Variants in APOLD1 observed in about 807,000 individuals in gnomAD.
The protein encoded by APOLD1 is apolipoprotein L domain-containing protein 1.
Under a neutral mutation model 15.3 loss-of-function variants are expected in APOLD1, and 22 were observed. The observed-to-expected ratio is 1.44, with a 90% CI of 1.03 to 2.05. The LOEUF is 2.05. Ranked by LOEUF, APOLD1 falls within the 30% of genes most tolerant of loss-of-function variation. The pLI is 0.00. For synonymous variants in APOLD1, 190 were observed against 167.4 expected, an observed-to-expected ratio of 1.13 and a Z score of -1.04; for missense variants, 394 against 353.5, an observed-to-expected ratio of 1.11 and a Z score of -0.92.
chr12:12,768,747 C>T (rs563586523), intron 1 of APOLD1, among the ~76,000 whole-genome samples: 3 of 151,534 alleles, frequency 2.0e-5, no homozygotes, highest in South Asian at 4.2e-4. Flanking sequence ...TCAAACTCCT[C>T]GTTTTCACTT....
intron 1 of APOLD1, among the ~76,000 whole-genome samples, chr12:12,759,099 A>G (rs1946879276): frequency 6.6e-6 from 1 of 152,214 alleles, no homozygotes; most frequent in South Asian, 2.1e-4. Flanking sequence ...GCAGGATGGC[A>G]CGAGATTTCA....
At chr12:12,753,475 C>A (rs1446371761) in intron 1 of APOLD1, among the ~76,000 whole-genome samples, 1 of 151,982 alleles carries the variant, frequency 6.6e-6, no homozygotes, top group Non-Finnish European at 1.5e-5. Flanking sequence ...CCAGCCTGGG[C>A]AACATGGCGA....
chr12:12,760,716 C>G (rs1946892297), intron 1 of APOLD1, among the ~76,000 whole-genome samples: 1 of 151,240 alleles, frequency 6.6e-6, no homozygotes, highest in Non-Finnish European at 1.5e-5. Context: ...AGTAAACCTT[C>G]TATATGTGGA....
intron 1 of APOLD1, among the ~76,000 whole-genome samples, chr12:12,736,925 T>C (rs992738578): frequency 1.2e-4 from 18 of 152,224 alleles, no homozygotes; most frequent in African/African-American, 3.9e-4. Context: ...TCCACCCCGC[T>C]ACCAGTCTTA....
chr12:12,733,373 A>C (rs1375759755), intron 1 of APOLD1, among the ~76,000 whole-genome samples: 1 of 152,222 alleles, frequency 6.6e-6, no homozygotes, highest in Non-Finnish European at 1.5e-5. Flanking sequence ...TAGCACATTA[A>C]GACCAAAAGC....
intron 1 of APOLD1, chr12:12,771,383 A>G (rs1399949060): frequency 3.0e-6 from 1 of 332,120 alleles, no homozygotes; most frequent in Non-Finnish European, 5.8e-6. Flanking sequence ...TGGCTACAAT[A>G]GCCATAAGCA....
chr12:12,730,069 TGTGTGTGTGAGA>T lies in APOLD1; in HGVS notation c.96+3975_96+3986del, dbSNP rs1227083485. Among the ~76,000 whole-genome samples the T allele has an allele frequency of 6.6e-3, 396 of 60,398 alleles. 1 individual carries two copies. The highest frequency in any genetic ancestry group is 0.013 in the South Asian group (30 of 2,342). The allele number at this position is 60,398 out of a possible 152,430, so 39.6% of individuals were successfully genotyped here. A position where few individuals can be genotyped will look rare whatever the true frequency, so the allele number is the denominator to read the frequency against. ...GTGTGTGTGTGTGTGTGTGTGTGTG[TGTGTGTGTGAGA>T]GAGAGAGAGAGAGAGACAGACAGGT... is the stretch of plus-strand genomic sequence containing the variant. On this transcript the variant is annotated intron_variant, in intron 1 of 1. Transcript: ENST00000326765.
chr12:12,759,711 A>G (rs1051108535), intron 1 of APOLD1, among the ~76,000 whole-genome samples: 2 of 152,214 alleles, frequency 1.3e-5, no homozygotes, highest in Non-Finnish European at 2.9e-5. Flanking sequence ...CCTTGACGTC[A>G]GTATATCCAG....
At chr12:12,737,320 A>G (rs1324072730) in intron 1 of APOLD1, among the ~76,000 whole-genome samples, 1 of 152,188 alleles carries the variant, frequency 6.6e-6, no homozygotes, top group Non-Finnish European at 1.5e-5. Flanking sequence ...AGGAAGCTAT[A>G]ATGGCTGTGA....
chr12:12,727,231 G>A (rs748228426), intron 1 of APOLD1, among the ~76,000 whole-genome samples: 1 of 151,226 alleles, frequency 6.6e-6, no homozygotes, highest in Non-Finnish European at 1.5e-5. Context: ...TAAACACCAC[G>A]TTTCCAAGAA....
intron 1 of APOLD1, among the ~76,000 whole-genome samples, chr12:12,741,241 C>G (rs1419659326): frequency 6.6e-6 from 1 of 152,210 alleles, no homozygotes; most frequent in Non-Finnish European, 1.5e-5. Context: ...GGGTCTTGCT[C>G]TGTCGCCCTG....
intron 1 of APOLD1, among the ~76,000 whole-genome samples, chr12:12,779,116 TCTCTCCTA>T (rs1179518097): frequency 3.3e-5 from 5 of 152,060 alleles, no homozygotes; most frequent in African/African-American, 1.2e-4. Flanking sequence ...TGCCCTCCTC[TCTCTCCTA>T]ATTTTTGTCC....
chr12:12,783,125 G>A (rs1390232142), upstream of APOLD1, among the ~76,000 whole-genome samples: 2 of 152,154 alleles, frequency 1.3e-5, no homozygotes, highest in Non-Finnish European at 2.9e-5. Context: ...AGAATTGCTT[G>A]AATCTGGGAG....
At chr12:12,768,691 G>A in intron 1 of APOLD1, among the ~76,000 whole-genome samples, 1 of 150,854 alleles carries the variant, frequency 6.6e-6, no homozygotes. Flanking sequence ...GTCTCAATAA[G>A]TCAAGTCACT....
At chr12:12,771,722 T>C in intron 1 of APOLD1, 1 of 337,426 alleles carries the variant, frequency 3.0e-6, no homozygotes, top group Non-Finnish European at 5.8e-6. Context: ...CAGATAACAG[T>C]TTGTTCAAAA....
intron 1 of APOLD1, among the ~76,000 whole-genome samples, chr12:12,749,464 G>A (rs1188450917): frequency 3.3e-5 from 5 of 152,176 alleles, no homozygotes; most frequent in Non-Finnish European, 7.3e-5. Context: ...CCCAGCAGAT[G>A]GGCAATTGGC....
At chr12:12,770,430 T>TA (rs1191806069) in intron 1 of APOLD1, among the ~76,000 whole-genome samples, 1 of 152,000 alleles carries the variant, frequency 6.6e-6, no homozygotes, top group African/African-American at 2.4e-5. Context: ...ATGTTAGAGA[T>TA]AAAAAACACT....
At chr12:12,744,525 C>G (rs1946751188) in intron 1 of APOLD1, among the ~76,000 whole-genome samples, 2 of 152,144 alleles carry the variant, frequency 1.3e-5, no homozygotes, top group South Asian at 4.1e-4. Context: ...AGGAGAATCG[C>G]TTGAACCTGG....
intron 1 of APOLD1, among the ~76,000 whole-genome samples, chr12:12,760,203 A>G (rs1480098275): frequency 6.6e-6 from 1 of 151,724 alleles, no homozygotes; most frequent in East Asian, 1.9e-4. Flanking sequence ...CACCACACCC[A>G]CAGTCCCAGT....
Sources: gnomAD v4.1 joint callset for allele counts (sites outside exome capture counted in the v4.1 genomes callset) on GRCh38, gnomAD v4.1.1 for gene constraint, MANE v1.5 for transcripts, NCBI Gene and HGNC (gene_info 2026-07-23, HGNC 2026-07-21) for gene names.